Variants in CADM2 observed in about 807,000 individuals in gnomAD.
CADM2 encodes cell adhesion molecule 2.
CADM2 carries 12 observed loss-of-function variants against 49.8 expected under a neutral mutation model. The observed-to-expected ratio is 0.24, with a 90% CI of 0.15 to 0.39. The LOEUF (loss-of-function observed/expected upper bound fraction) is 0.39. Among genes scored for constraint, CADM2 ranks in the 10% least tolerant of loss-of-function variants. The pLI is 1.00. For synonymous variants in CADM2, 214 were observed against 175.4 expected, an observed-to-expected ratio of 1.22 and a Z score of -1.74; for missense variants, 378 against 492.3, an observed-to-expected ratio of 0.77 and a Z score of 2.20.
intron 2 of CADM2, among the ~76,000 whole-genome samples, chr3:85,788,251 T>C (rs955166198): frequency 2.0e-5 from 3 of 152,060 alleles, no homozygotes; most frequent in African/African-American, 7.2e-5. Context: ...TAAAAGCAAT[T>C]TCAGGAAACA....
intron 1 of CADM2, among the ~76,000 whole-genome samples, chr3:85,691,988 G>T (rs912813398): frequency 6.6e-6 from 1 of 152,116 alleles, no homozygotes; most frequent in African/African-American, 2.4e-5. Context: ...GGTGGGAGAA[G>T]GGGGGAGGGA....
intron 3 of CADM2, among the ~76,000 whole-genome samples, chr3:85,836,715 A>G (rs2108249884): frequency 6.6e-6 from 1 of 151,734 alleles, no homozygotes; most frequent in Admixed American, 6.6e-5. Flanking sequence ...TTCAAAGACA[A>G]TCCCTCCTGC....
At chr3:85,961,122 T>G (rs908271287) in intron 7 of CADM2, among the ~76,000 whole-genome samples, 5 of 150,016 alleles carry the variant, frequency 3.3e-5, no homozygotes, top group African/African-American at 1.2e-4. Context: ...TGAGGAAGAT[T>G]TGCCCCAATA....
chr3:85,109,694 G>T (rs898678174), intron 1 of CADM2, among the ~76,000 whole-genome samples: 17 of 151,874 alleles, frequency 1.1e-4, no homozygotes, highest in African/African-American at 3.9e-4. Context: ...AAGAGGAAAA[G>T]TTTCTTAATT....
chr3:85,521,209 T>A (rs73128383), intron 1 of CADM2, among the ~76,000 whole-genome samples: 1 of 152,290 alleles, frequency 6.6e-6, no homozygotes, highest in Non-Finnish European at 1.5e-5. Context: ...ATTTCTGTGA[T>A]TGTTTGCATT....
intron 1 of CADM2, among the ~76,000 whole-genome samples, chr3:84,989,096 T>A (rs922061742): frequency 3.9e-5 from 6 of 152,128 alleles, no homozygotes; most frequent in Admixed American, 2.0e-4. Context: ...TGGAGACCAA[T>A]TACCTGTTTT....
intron 1 of CADM2, among the ~76,000 whole-genome samples, chr3:85,421,594 A>T (rs2036174781): frequency 6.6e-6 from 1 of 152,166 alleles, no homozygotes; most frequent in Admixed American, 6.5e-5. Context: ...CTGATTACCT[A>T]CACCTCATGG....
In CADM2 at chr3:85,809,765, T is replaced by TCC. The variant is rs1263297708; in HGVS notation, c.238+7570_238+7571insCC. On this transcript the variant is annotated intron_variant, in intron 3 of 9. Coordinates refer to ENST00000383699, the MANE Select transcript of CADM2 (RefSeq NM_001167675.2). ...CCTCCTCTCTCCCTCCCTCCCTCCCTCTCTCTCTCTCTCTCTCTCTCTCTC... is the reference window on the plus strand; with the variant it reads ...CCTCCTCTCTCCCTCCCTCCCTCCCTCCCTCTCTCTCTCTCTCTCTCTCTCTC... Among the ~76,000 whole-genome samples the TCC allele has an allele frequency of 2.2e-4, 12 of 53,406 alleles. No homozygotes were observed. In the South Asian group the frequency reaches 2.5e-3, roughly 11 times the overall value. The allele number at this position is 53,406 out of a possible 152,430, so 35.0% of individuals were successfully genotyped here.
chr3:85,160,556 T>TA (rs991728978), intron 1 of CADM2, among the ~76,000 whole-genome samples: 6 of 152,140 alleles, frequency 3.9e-5, no homozygotes, highest in African/African-American at 7.2e-5. Flanking sequence ...ATGAGTTTTT[T>TA]AAAAAAATAT....
intron 8 of CADM2, among the ~76,000 whole-genome samples, chr3:85,962,344 G>C (rs773659208): frequency 9.2e-5 from 14 of 151,762 alleles, no homozygotes; most frequent in Non-Finnish European, 1.5e-4. Flanking sequence ...CTGTAATTTG[G>C]TTTCACAAAG....
chr3:85,835,868 T>A (rs2074388108), intron 3 of CADM2, among the ~76,000 whole-genome samples: 1 of 150,766 alleles, frequency 6.6e-6, no homozygotes, highest in African/African-American at 2.4e-5. Flanking sequence ...ATGAAATTTC[T>A]CATTAATTAG....
chr3:86,017,112 A>G (rs1732353317), intron 8 of CADM2, among the ~76,000 whole-genome samples: 1 of 150,864 alleles, frequency 6.6e-6, no homozygotes, highest in Non-Finnish European at 1.5e-5. Context: ...ATGGGTTCAT[A>G]CTACTCTGGA....
At chr3:85,445,655 A>T (rs2037414341) in intron 1 of CADM2, among the ~76,000 whole-genome samples, 1 of 152,236 alleles carries the variant, frequency 6.6e-6, no homozygotes, top group Admixed American at 6.5e-5. Context: ...TGGAAATAAG[A>T]AGAAAACATA....
intron 8 of CADM2, among the ~76,000 whole-genome samples, chr3:86,023,656 C>T (rs1323870044): frequency 6.6e-6 from 1 of 152,148 alleles, no homozygotes; most frequent in African/African-American, 2.4e-5. Context: ...CCACACCCAG[C>T]CTAGCTCTTT....
chr3:85,775,001 T>C (rs1028177766), intron 2 of CADM2, among the ~76,000 whole-genome samples: 3 of 151,718 alleles, frequency 2.0e-5, no homozygotes, highest in Non-Finnish European at 4.4e-5. Context: ...TATGTGTACT[T>C]ACATATGCAC....
intron 1 of CADM2, among the ~76,000 whole-genome samples, chr3:84,984,384 A>C (rs2032421865): frequency 7.1e-6 from 1 of 140,302 alleles, no homozygotes; most frequent in Non-Finnish European, 1.6e-5. Flanking sequence ...AAAAAAAAAA[A>C]ACACTTGAGG....
chr3:85,031,708 T>C (rs28607702), intron 1 of CADM2, among the ~76,000 whole-genome samples: 1 of 151,190 alleles, frequency 6.6e-6, no homozygotes, highest in Non-Finnish European at 1.5e-5. Flanking sequence ...TTTTAGTAGA[T>C]ACGGGGTTTC....
At chr3:85,995,914 A>G (rs569345014) in intron 8 of CADM2, among the ~76,000 whole-genome samples, 6 of 151,680 alleles carry the variant, frequency 4.0e-5, no homozygotes, top group Non-Finnish European at 4.4e-5. Context: ...CAGGTGAAAC[A>G]CCGTCTCTAT....
intron 1 of CADM2, among the ~76,000 whole-genome samples, chr3:85,133,656 C>T (rs1041450288): frequency 2.0e-5 from 3 of 152,190 alleles, no homozygotes; most frequent in Admixed American, 1.3e-4. Flanking sequence ...TTCACAAACC[C>T]TGAGCTAGAC....
Sources: gnomAD v4.1 joint callset for allele counts (sites outside exome capture counted in the v4.1 genomes callset) on GRCh38, gnomAD v4.1.1 for gene constraint, MANE v1.5 for transcripts, NCBI Gene and HGNC (gene_info 2026-07-23, HGNC 2026-07-21) for gene names.